The following PARP8 variants were observed in gnomAD, a reference collection of about 807,000 sequenced individuals.
PARP8 encodes the protein poly(ADP-ribose) polymerase family member 8.
Under a neutral mutation model 124.1 loss-of-function variants are expected in PARP8, and 51 were observed. The observed-to-expected ratio is 0.41, with a 90% CI of 0.33 to 0.52. PARP8 has a LOEUF of 0.52. Among genes scored for constraint, PARP8 ranks in the 20% least tolerant of loss-of-function variants. PARP8 has a pLI of 0.21. For synonymous variants in PARP8, 391 were observed against 361.5 expected, an observed-to-expected ratio of 1.08 and a Z score of -0.93; for missense variants, 860 against 1,018.9, an observed-to-expected ratio of 0.84 and a Z score of 2.12.
In PARP8 at chr5:50,741,935, A is replaced by G. The variant is rs775004575; in HGVS notation, c.147-8216A>G. 15 of 410,742 alleles carry G rather than the reference A, an allele frequency of 3.7e-5. No individual in the cohort carries two copies. In the East Asian group the frequency reaches 1.1e-3, roughly 31 times the overall value. 25.4% of individuals were successfully genotyped at this position (410,742 alleles called of 1,614,324 possible). ...AGTGATTCTCCTGCCTCAGCCTTCTACTAGCTGGCATTACAGGTGCACACA... is the reference window on the plus strand; with the variant it reads ...AGTGATTCTCCTGCCTCAGCCTTCTGCTAGCTGGCATTACAGGTGCACACA... On this transcript the variant is annotated intron_variant, in intron 2 of 25. Coordinates refer to ENST00000281631, the MANE Select transcript of PARP8 (RefSeq NM_024615.4).
At chr5:50,766,379 C>T (rs1392010449) in intron 7 of PARP8, among the ~76,000 whole-genome samples, 17 of 152,066 alleles carry the variant, frequency 1.1e-4, no homozygotes, top group Admixed American at 2.6e-4. Flanking sequence ...TGTAAATGTA[C>T]CTCCCTATAT....
chr5:50,785,821 G>T (rs1741185721), intron 9 of PARP8, among the ~76,000 whole-genome samples: 1 of 152,096 alleles, frequency 6.6e-6, no homozygotes, highest in Admixed American at 6.6e-5. Flanking sequence ...GATCTGAGAA[G>T]GTCCTATGAG....
In PARP8 at chr5:50,673,413, GT is replaced by G. The variant is rs573615102; in HGVS notation, c.146+5289del. ...CTTCATGGATTAAGGTGATCCTATA[GT>G]GATATTTATTAAGCATCGTCTCTGC... On this transcript the variant is annotated intron_variant, in intron 2 of 25. Coordinates refer to ENST00000281631, the MANE Select transcript of PARP8 (RefSeq NM_024615.4). Among the ~76,000 whole-genome samples, 171 of 152,202 alleles carry G rather than the reference GT, an allele frequency of 1.1e-3. 1 individual carries two copies. Among genetic ancestry groups the G allele is most frequent in the African/African-American group, 4.0e-3 (166 of 41,518 alleles).
chr5:50,795,667 C>G (rs1485310379), intron 12 of PARP8, among the ~76,000 whole-genome samples: 1 of 152,066 alleles, frequency 6.6e-6, no homozygotes. Context: ...GTCATAGTAA[C>G]AAATGCTACT....
chr5:50,667,971 C>T, intron 1 of PARP8, 100 bp from the exon 2 acceptor site: 1 of 1,601,568 alleles, frequency 6.2e-7, no homozygotes, highest in Non-Finnish European at 8.5e-7. Context: ...TCTGCCCGGC[C>T]AGGCCTCCCC....
intron 1 of PARP8, chr5:50,667,582 T>TGCTGC (rs932487926): frequency 5.9e-5 from 41 of 698,768 alleles, no homozygotes; most frequent in East Asian, 1.6e-4. Flanking sequence ...GAATGGAGCC[T>TGCTGC]GCTGCGCTGC....
intron 21 of PARP8, 152 bp from the exon 22 acceptor site, chr5:50,829,740 A>C: frequency 1.7e-6 from 1 of 600,498 alleles, no homozygotes; most frequent in Non-Finnish European, 2.6e-6. Context: ...GCACAAGGAT[A>C]TTAGTACTGT....
intron 2 of PARP8, chr5:50,668,365 A>G: frequency 1.8e-6 from 1 of 544,980 alleles, no homozygotes; most frequent in Non-Finnish European, 3.3e-6. Context: ...CTTCATGTTG[A>G]AACTGTTCTG....
chr5:50,710,050 A>G (rs1021322264), intron 2 of PARP8, among the ~76,000 whole-genome samples: 4 of 151,000 alleles, frequency 2.6e-5, no homozygotes, highest in African/African-American at 9.7e-5. Flanking sequence ...TGTTTGTGAA[A>G]TATGCTTAAT....
chr5:50,796,452 C>A (rs1196778908), intron 12 of PARP8, among the ~76,000 whole-genome samples: 1 of 152,154 alleles, frequency 6.6e-6, no homozygotes, highest in Non-Finnish European at 1.5e-5. Flanking sequence ...TAATGTAGAA[C>A]AACTGCACAG....
At chr5:50,739,401 G>C (rs569159999) in intron 2 of PARP8, among the ~76,000 whole-genome samples, 3 of 151,764 alleles carry the variant, frequency 2.0e-5, no homozygotes, top group Non-Finnish European at 4.4e-5. Context: ...GGGGGATGGG[G>C]GTGGGGAGGG....
chr5:50,826,359 C>T (rs979784930), intron 18 of PARP8, among the ~76,000 whole-genome samples: 11 of 151,922 alleles, frequency 7.2e-5, no homozygotes, highest in Non-Finnish European at 1.3e-4. Context: ...AAGAACTTAT[C>T]CTTAATTTAA....
intron 3 of PARP8, 95 bp from the exon 4 acceptor site, chr5:50,759,548 C>A (rs1323597957): frequency 6.1e-6 from 8 of 1,310,874 alleles, no homozygotes; most frequent in Non-Finnish European, 8.0e-6. Context: ...AGAGTTGGAA[C>A]TAAAGTGATG....
At chr5:50,806,851 T>C (rs1743898795) in intron 14 of PARP8, among the ~76,000 whole-genome samples, 1 of 152,042 alleles carries the variant, frequency 6.6e-6, no homozygotes, top group Admixed American at 6.6e-5. Context: ...AAATAATATA[T>C]AATTTCTTAT....
intron 25 of PARP8, among the ~76,000 whole-genome samples, chr5:50,839,454 A>G (rs992226241): frequency 6.6e-6 from 1 of 151,898 alleles, no homozygotes; most frequent in Non-Finnish European, 1.5e-5. Context: ...ACCACTAGCA[A>G]CTTATGTATC....
Position 50,821,201 on chromosome 5 carries a change from G to A in PARP8, c.1669-12G>A, listed in dbSNP as rs1363163261. ...CTGAAGGGTAGTAACTATCTTATGT[G>A]TATATTTCAAGGTGGTAGATCTACT... On this transcript the variant is annotated splice_polypyrimidine_tract_variant and intron_variant, in intron 15 of 25. Coordinates refer to ENST00000281631, the MANE Select transcript of PARP8 (RefSeq NM_024615.4). 6.2e-7 allele frequency: 1 copy of A among 1,613,708 alleles called. No individual in the cohort carries two copies. The highest frequency in any genetic ancestry group is 1.3e-5 in the African/African-American group (1 of 74,916).
At chr5:50,710,476 A>G (rs1754663671) in intron 2 of PARP8, among the ~76,000 whole-genome samples, 1 of 151,984 alleles carries the variant, frequency 6.6e-6, no homozygotes, top group Non-Finnish European at 1.5e-5. Context: ...ATCTTTTTTT[A>G]TTTAGAAGGA....
At chr5:50,709,955 T>TATGTATATACAC (rs149858890) in intron 2 of PARP8, among the ~76,000 whole-genome samples, 1 of 103,322 alleles carries the variant, frequency 9.7e-6, no homozygotes, top group Non-Finnish European at 2.0e-5. Context: ...TATATATATA[T>TATGTATATACAC]ACACATACAT....
chr5:50,831,361 A>G (rs550371181), intron 22 of PARP8, among the ~76,000 whole-genome samples: 1 of 152,132 alleles, frequency 6.6e-6, no homozygotes, highest in Non-Finnish European at 1.5e-5. Context: ...AATGCCGCTC[A>G]GCTGATGGAT....
Sources: allele counts gnomAD v4.1 joint callset (sites outside exome capture counted in the v4.1 genomes callset), GRCh38; gene constraint gnomAD v4.1.1; transcripts MANE v1.5; gene names NCBI Gene and HGNC (gene_info 2026-07-23, HGNC 2026-07-21).